Variants in LRBA observed in about 807,000 individuals in gnomAD.
LRBA encodes LPS responsive beige-like anchor protein.
Under a neutral mutation model 330.0 loss-of-function variants are expected in LRBA, and 176 were observed. That is an observed-to-expected ratio of 0.53 (90% CI 0.47 to 0.60). The LOEUF (loss-of-function observed/expected upper bound fraction) is 0.60, where lower values mean the gene tolerates loss of function less well. LRBA is among the 20% of genes least tolerant of loss of function. The pLI, the probability that LRBA is intolerant of heterozygous loss-of-function variation, is 0.00. For missense variants in LRBA, 3,259 were observed against 3,444.8 expected, an observed-to-expected ratio of 0.95 and a Z score of 1.35; for synonymous variants, 1,230 against 1,193.0, an observed-to-expected ratio of 1.03 and a Z score of -0.64.
intron 23 of LRBA, 146 bp from the exon 24 acceptor site, chr4:150,851,048 CAATGAGTAATAACAT>C (rs1306006269): frequency 1.8e-5 from 10 of 555,844 alleles, no homozygotes. Flanking sequence ...GAAAAATTAT[CAATGAGTAATAACAT>C]TAACATTTTA....
At chr4:150,987,437 G>A (rs1703960778) in intron 2 of LRBA, among the ~76,000 whole-genome samples, 2 of 152,188 alleles carry the variant, frequency 1.3e-5, no homozygotes, top group African/African-American at 2.4e-5. Flanking sequence ...AGATGTGGTG[G>A]CTCACCTGTA....
At chr4:150,459,193 C>T (rs973933689) in intron 44 of LRBA, among the ~76,000 whole-genome samples, 12 of 151,832 alleles carry the variant, frequency 7.9e-5, no homozygotes, top group African/African-American at 1.7e-4. Flanking sequence ...GGGGCTTTCA[C>T]GACTTGGTAC....
intron 40 of LRBA, among the ~76,000 whole-genome samples, chr4:150,530,733 C>A (rs1419216229): frequency 6.6e-6 from 1 of 152,166 alleles, no homozygotes; most frequent in Non-Finnish European, 1.5e-5. Context: ...AGCATCTCAA[C>A]CTGGGGAAAC....
intron 2 of LRBA, among the ~76,000 whole-genome samples, chr4:150,992,273 A>C (rs1232972688): frequency 6.7e-6 from 1 of 150,172 alleles, no homozygotes; most frequent in Non-Finnish European, 1.5e-5. Flanking sequence ...CCGAGACTAC[A>C]CCACTGCACT....
chr4:150,895,655 T>C (rs962996183), intron 16 of LRBA, among the ~76,000 whole-genome samples: 5 of 152,246 alleles, frequency 3.3e-5, no homozygotes, highest in Non-Finnish European at 7.3e-5. Context: ...GGTGTATATG[T>C]GCCACATTTT....
At chr4:150,931,050 A>T (rs2149512253) in intron 2 of LRBA, among the ~76,000 whole-genome samples, 1 of 152,344 alleles carries the variant, frequency 6.6e-6, no homozygotes, top group South Asian at 2.1e-4. Flanking sequence ...TGTAAATTTT[A>T]AAAATACACA....
chr4:150,648,270 A>C (rs1561468701), intron 37 of LRBA, among the ~76,000 whole-genome samples: 1 of 151,818 alleles, frequency 6.6e-6, no homozygotes, highest in Admixed American at 6.6e-5. Flanking sequence ...ATAAACAAAA[A>C]TTGTAATACA....
At chr4:150,326,219 C>T (rs1387785715) in intron 48 of LRBA, among the ~76,000 whole-genome samples, 3 of 152,286 alleles carry the variant, frequency 2.0e-5, no homozygotes, top group East Asian at 3.9e-4. Context: ...TTCCTGCTTG[C>T]ATCATCCCCA....
chr4:150,455,488 T>C (rs1279229176), intron 44 of LRBA, among the ~76,000 whole-genome samples: 2 of 152,042 alleles, frequency 1.3e-5, no homozygotes, highest in African/African-American at 4.8e-5. Context: ...TGTAGGGACA[T>C]GGATGAAATT....
intron 2 of LRBA, among the ~76,000 whole-genome samples, chr4:151,007,715 G>A (rs1433269639): frequency 6.6e-6 from 1 of 151,552 alleles, no homozygotes; most frequent in Non-Finnish European, 1.5e-5. Context: ...AAATTAGCCA[G>A]GCGTGGTGGC....
intron 40 of LRBA, among the ~76,000 whole-genome samples, chr4:150,531,810 A>C (rs1764082515): frequency 6.6e-6 from 1 of 152,262 alleles, no homozygotes; most frequent in African/African-American, 2.4e-5. Context: ...ACTGATGTCC[A>C]AACAGTTGGA....
chr4:150,438,344 A>G (rs1751395787), intron 44 of LRBA, among the ~76,000 whole-genome samples: 1 of 152,032 alleles, frequency 6.6e-6, no homozygotes, highest in African/African-American at 2.4e-5. Flanking sequence ...TCGGCTGCGC[A>G]TAGTGGCATG....
At chr4:150,392,410 T>G (rs1247263598) in intron 47 of LRBA, among the ~76,000 whole-genome samples, 4 of 152,150 alleles carry the variant, frequency 2.6e-5, no homozygotes, top group Non-Finnish European at 5.9e-5. Flanking sequence ...TGTCTGCATA[T>G]TTGCTGTTTC....
At chr4:150,740,788 T>A (rs532928636) in intron 35 of LRBA, among the ~76,000 whole-genome samples, 5 of 152,202 alleles carry the variant, frequency 3.3e-5, no homozygotes, top group African/African-American at 1.2e-4. Flanking sequence ...TTCTGCATAA[T>A]CTGATGAGTT....
At chr4:150,544,966 G>T (rs1765704765) in intron 40 of LRBA, among the ~76,000 whole-genome samples, 1 of 152,146 alleles carries the variant, frequency 6.6e-6, no homozygotes, top group Non-Finnish European at 1.5e-5. Flanking sequence ...CAGAACCCTA[G>T]ATTTGACTTC....
At position 150,836,705 on chromosome 4, in the gene LRBA, C is replaced by T. The variant is rs187785609; in HGVS notation, c.4570-4729G>A. 1.3e-3 allele frequency among the ~76,000 whole-genome samples: 194 copies of T among 152,214 alleles called. 1 individual carries two copies. Among genetic ancestry groups the T allele is most frequent in the Non-Finnish European group, 1.4e-3 (92 of 68,018 alleles). On this transcript the variant is annotated intron_variant, in intron 28 of 56. Transcript: ENST00000651943. The stretch of plus-strand genomic sequence containing the variant: ...TCTCTTTTCTTCTTTATTAGTCTTG[C>T]TAGTGGCCTATCAATTTTGTTGATC...
chr4:150,507,071 T>G (rs568073583), intron 40 of LRBA, among the ~76,000 whole-genome samples: 11 of 151,536 alleles, frequency 7.3e-5, no homozygotes, highest in African/African-American at 2.7e-4. Context: ...CTCAATGAAA[T>G]AAAAGAGGAT....
intron 22 of LRBA, among the ~76,000 whole-genome samples, chr4:150,857,677 G>T (rs1240915928): frequency 6.6e-6 from 1 of 152,124 alleles, no homozygotes; most frequent in Admixed American, 6.5e-5. Flanking sequence ...ATAAGGAACA[G>T]ATAAAGTATG....
At chr4:150,552,491 G>GA (rs1352020323) in intron 40 of LRBA, among the ~76,000 whole-genome samples, 2 of 152,098 alleles carry the variant, frequency 1.3e-5, no homozygotes, top group Non-Finnish European at 2.9e-5. Flanking sequence ...AAAAAGTCAG[G>GA]AAACAACAGG....
Sources: gnomAD v4.1 joint callset for allele counts (sites outside exome capture counted in the v4.1 genomes callset) on GRCh38, gnomAD v4.1.1 for gene constraint, MANE v1.5 for transcripts, NCBI Gene and HGNC (gene_info 2026-07-23, HGNC 2026-07-21) for gene names.